UBE4B: variants seen among roughly 807,000 people sequenced by gnomAD.
UBE4B encodes ubiquitin conjugation factor E4 B.
In UBE4B, 27 loss-of-function variants were observed where a neutral mutation model predicts 148.1. The observed-to-expected ratio is 0.18, with a 90% CI of 0.13 to 0.25. The LOEUF (loss-of-function observed/expected upper bound fraction) is 0.25. Ranked by LOEUF, UBE4B falls within the 10% of genes least tolerant of loss-of-function variation. UBE4B has a pLI of 1.00. For synonymous variants in UBE4B, 596 were observed against 619.3 expected, an observed-to-expected ratio of 0.96 and a Z score of 0.56; for missense variants, 1,170 against 1,662.4, an observed-to-expected ratio of 0.70 and a Z score of 5.15.
intron 21 of UBE4B, among the ~76,000 whole-genome samples, chr1:10,156,190 A>G (rs1460644647): frequency 1.5e-5 from 2 of 130,834 alleles, no homozygotes; most frequent in Non-Finnish European, 3.2e-5. Context: ...AATAAGAAGA[A>G]AAAAAAACTG....
chr1:10,040,975 G>A (rs530704100), intron 1 of UBE4B, among the ~76,000 whole-genome samples: 2 of 152,230 alleles, frequency 1.3e-5, no homozygotes, highest in South Asian at 4.1e-4. Flanking sequence ...GAGGACCTGA[G>A]GTCCCTTTTT....
At chr1:10,080,784 C>T (rs1371466274) in intron 2 of UBE4B, among the ~76,000 whole-genome samples, 2 of 152,120 alleles carry the variant, frequency 1.3e-5, no homozygotes, top group Non-Finnish European at 2.9e-5. Context: ...TGGAAGACAC[C>T]ATGCTAAGTG....
At chr1:10,086,421 G>A (rs1339196559) in intron 2 of UBE4B, among the ~76,000 whole-genome samples, 1 of 152,132 alleles carries the variant, frequency 6.6e-6, no homozygotes, top group Admixed American at 6.6e-5. Flanking sequence ...TTAGTTATCA[G>A]GGAGGGGTTG....
intron 23 of UBE4B, among the ~76,000 whole-genome samples, chr1:10,165,360 C>A (rs1356686704): frequency 6.6e-6 from 1 of 152,152 alleles, no homozygotes; most frequent in African/African-American, 2.4e-5. Flanking sequence ...CTCTTCTCAG[C>A]ACCTCCAGAC....
chr1:10,071,774 C>T (rs948028683), intron 1 of UBE4B, among the ~76,000 whole-genome samples: 2 of 152,044 alleles, frequency 1.3e-5, no homozygotes, highest in African/African-American at 4.8e-5. Flanking sequence ...AAGCGATTAC[C>T]CCCACCTCAC....
At chr1:10,130,867 C>T in intron 14 of UBE4B, 54 bp downstream of exon 14, 8 of 1,510,834 alleles carry the variant, frequency 5.3e-6, no homozygotes, top group Non-Finnish European at 7.4e-6. Flanking sequence ...GCTCCAGATA[C>T]AGAGCTTTTA....
chr1:10,171,666 G>A (rs1646341483), intron 25 of UBE4B, among the ~76,000 whole-genome samples: 2 of 152,218 alleles, frequency 1.3e-5, no homozygotes, highest in South Asian at 4.1e-4. Context: ...CAGATCAAGA[G>A]GTCAGGAGTT....
At chr1:10,127,954 G>C (rs1215777216) in intron 11 of UBE4B, among the ~76,000 whole-genome samples, 1 of 152,168 alleles carries the variant, frequency 6.6e-6, no homozygotes, top group African/African-American at 2.4e-5. Context: ...GAAATTAGAA[G>C]GTGAAACCAG....
intron 2 of UBE4B, among the ~76,000 whole-genome samples, chr1:10,078,491 A>T (rs1247349177): frequency 6.6e-6 from 1 of 151,954 alleles, no homozygotes; most frequent in Non-Finnish European, 1.5e-5. Flanking sequence ...TCTTTGGAGG[A>T]CAGTCTAGTT....
chr1:10,144,901 G>GCTGTT (rs1405443726), intron 17 of UBE4B, 39 bp from the exon 18 acceptor site: 1 of 1,495,032 alleles, frequency 6.7e-7, no homozygotes. Context: ...GATGGATCCG[G>GCTGTT]CTGTTTTCTT....
intron 7 of UBE4B, among the ~76,000 whole-genome samples, chr1:10,113,851 G>A (rs1310026129): frequency 6.6e-6 from 1 of 152,072 alleles, no homozygotes; most frequent in Admixed American, 6.6e-5. Flanking sequence ...TAGATCATGA[G>A]GTCAGGAGAT....
At chr1:10,036,240 C>T (rs1643527357) in intron 1 of UBE4B, among the ~76,000 whole-genome samples, 1 of 152,014 alleles carries the variant, frequency 6.6e-6, no homozygotes, top group African/African-American at 2.4e-5. Flanking sequence ...TTTCATCAGT[C>T]CTTGAGGAAG....
At chr1:10,038,805 T>A (rs183256100) in intron 1 of UBE4B, among the ~76,000 whole-genome samples, 1 of 152,066 alleles carries the variant, frequency 6.6e-6, no homozygotes, top group African/African-American at 2.4e-5. Flanking sequence ...GTTAAAAATT[T>A]GGGAGTTGGG....
intron 7 of UBE4B, among the ~76,000 whole-genome samples, chr1:10,111,813 T>G (rs998874180): frequency 5.9e-5 from 9 of 151,980 alleles, no homozygotes; most frequent in African/African-American, 2.2e-4. Flanking sequence ...AAAAATTAGC[T>G]AGGCATGATG....
rs1045299924 is a variant in UBE4B, at chr1:10,180,958, G to A, written c.*1002G>A. 1 of 152,408 alleles carries A rather than the reference G, an allele frequency of 6.6e-6. No homozygotes were observed. The highest frequency in any genetic ancestry group is 1.5e-5 in the Non-Finnish European group (1 of 68,002). The allele number at this position is 152,408 out of a possible 1,614,324, so 9.4% of individuals were successfully genotyped here. On this transcript the variant is annotated 3_prime_UTR_variant, in exon 28 of 28. Coordinates refer to ENST00000343090, the MANE Select transcript of UBE4B (RefSeq NM_001105562.3). ...CAAAAGAGGGTGCAAGAATGTGGGA[G>A]TATGTCTGCCGGTTTCAACACACAC... is the stretch of plus-strand genomic sequence containing the variant.
At chr1:10,095,803 ACT>A (rs1644920411) in intron 3 of UBE4B, among the ~76,000 whole-genome samples, 1 of 151,996 alleles carries the variant, frequency 6.6e-6, no homozygotes, top group Admixed American at 6.6e-5. Context: ...ACAGAGTTTC[ACT>A]CTGTCGCCCA....
At chr1:10,066,942 T>C (rs974009655) in intron 1 of UBE4B, among the ~76,000 whole-genome samples, 4 of 152,222 alleles carry the variant, frequency 2.6e-5, no homozygotes, top group Non-Finnish European at 5.9e-5. Context: ...GTTATTGTCA[T>C]CTTTCCAAGG....
At chr1:10,081,021 C>A (rs918113343) in intron 2 of UBE4B, among the ~76,000 whole-genome samples, 3 of 152,050 alleles carry the variant, frequency 2.0e-5, no homozygotes, top group Non-Finnish European at 4.4e-5. Context: ...TAAATAATAA[C>A]GTTTTATATA....
At chr1:10,138,187 G>A (rs1278024217) in intron 17 of UBE4B, among the ~76,000 whole-genome samples, 2 of 150,356 alleles carry the variant, frequency 1.3e-5, no homozygotes, top group Non-Finnish European at 3.0e-5. Context: ...AATCTCTGCC[G>A]CCTGGGTTCA....
Sources: gnomAD v4.1 joint callset for allele counts (sites outside exome capture counted in the v4.1 genomes callset) on GRCh38, gnomAD v4.1.1 for gene constraint, MANE v1.5 for transcripts, NCBI Gene and HGNC (gene_info 2026-07-23, HGNC 2026-07-21) for gene names.